The following SGIP1 variants were observed in gnomAD, a reference collection of about 807,000 sequenced individuals.
The protein encoded by SGIP1 is SH3GL interacting endocytic adaptor 1, also known as SH3-containing GRB2-like protein 3-interacting protein 1.
A neutral mutation model predicts 107.5 loss-of-function variants in SGIP1; 38 were observed. That is an observed-to-expected ratio of 0.35 (90% CI 0.27 to 0.46). The LOEUF is 0.46. SGIP1 is among the 20% of genes least tolerant of loss of function. The probability of loss-of-function intolerance (pLI) is 1.00; values close to 1 mark genes in which losing one functional copy is unlikely to be tolerated. For synonymous variants in SGIP1, 365 were observed against 366.1 expected, an observed-to-expected ratio of 1.00 and a Z score of 0.03; for missense variants, 929 against 1,019.5, an observed-to-expected ratio of 0.91 and a Z score of 1.21.
At position 66,749,798 on chromosome 1, in the gene SGIP1, C is replaced by T. The variant is rs1572535415; in HGVS notation, c.*6703C>T. Among the ~76,000 whole-genome samples, 1 of 151,966 alleles carries T rather than the reference C, an allele frequency of 6.6e-6. No homozygotes were observed. The highest frequency in any genetic ancestry group is 2.1e-4 in the South Asian group (1 of 4,828). ...GCTTGATGTTATTCATTCACCATCA[C>T]TCTAAGGTATTTTAAATCATACAAC... On this transcript the variant is annotated 3_prime_UTR_variant, in exon 25 of 25. Coordinates refer to ENST00000371037, the MANE Select transcript of SGIP1 (RefSeq NM_032291.4).
chr1:66,630,986 G>GGAAGGGAAAGGA (rs2074430737), intron 2 of SGIP1, among the ~76,000 whole-genome samples: 1 of 139,854 alleles, frequency 7.2e-6, no homozygotes, highest in Admixed American at 7.4e-5. Context: ...AAGAGAGGAA[G>GGAAGGGAAAGGA]AAGGAAGGAA....
chr1:66,558,195 A>G (rs1169332461), intron 1 of SGIP1, among the ~76,000 whole-genome samples: 2 of 152,050 alleles, frequency 1.3e-5, no homozygotes, highest in Non-Finnish European at 2.9e-5. Flanking sequence ...AATGGCATTC[A>G]TCTCTCTCTT....
chr1:66,554,104 A>G (rs962906505), intron 1 of SGIP1, among the ~76,000 whole-genome samples: 3 of 152,132 alleles, frequency 2.0e-5, no homozygotes, highest in Non-Finnish European at 4.4e-5. Context: ...ATTACCACTG[A>G]GCAAATCCTC....
intron 17 of SGIP1, chr1:66,694,473 C>T (rs981232254): frequency 4.4e-6 from 7 of 1,607,288 alleles, no homozygotes; most frequent in Non-Finnish European, 8.5e-7. Flanking sequence ...ACAAACTGCC[C>T]TCGTTTGAAA....
At chr1:66,711,270 C>T (rs1401263798) in intron 18 of SGIP1, among the ~76,000 whole-genome samples, 2 of 152,194 alleles carry the variant, frequency 1.3e-5, no homozygotes, top group East Asian at 1.9e-4. Flanking sequence ...CATAGAACAT[C>T]CTATATCATC....
chr1:66,707,962 C>A (rs2092640447), intron 18 of SGIP1, among the ~76,000 whole-genome samples: 1 of 152,136 alleles, frequency 6.6e-6, no homozygotes, highest in Non-Finnish European at 1.5e-5. Context: ...ATTTCTTTCA[C>A]CTTCCCCAAA....
intron 1 of SGIP1, among the ~76,000 whole-genome samples, chr1:66,612,169 AAG>A (rs988340190): frequency 6.6e-6 from 1 of 152,182 alleles, no homozygotes; most frequent in Non-Finnish European, 1.5e-5. Flanking sequence ...GAGAGAAAGC[AAG>A]AGAGAGGAGG....
chr1:66,664,328 T>C (rs941649642), intron 8 of SGIP1, among the ~76,000 whole-genome samples: 1 of 152,032 alleles, frequency 6.6e-6, no homozygotes. Context: ...ATCTGGAAAA[T>C]AAGGCAAATA....
rs145373755 is a variant in SGIP1, at chr1:66,643,727, TTGTG to T, written c.459+20_459+23del. 12 of 1,586,908 alleles carry T rather than the reference TTGTG, an allele frequency of 7.6e-6. No homozygotes were observed. The highest frequency in any genetic ancestry group is 1.0e-5 in the Non-Finnish European group (12 of 1,167,056). ...CTTTCCCCATCACCAGTGGTGAGTG[TTGTG>T]TGTGTGTGTGTTAAGCTTTAGTGAG... On this transcript the variant is annotated intron_variant, in intron 7 of 24. Coordinates refer to ENST00000371037, the MANE Select transcript of SGIP1 (RefSeq NM_032291.4).
At chr1:66,689,030 T>C (rs377214930) in intron 15 of SGIP1, 118 bp from the exon 16 acceptor site, 1 of 1,165,724 alleles carries the variant, frequency 8.6e-7, no homozygotes, top group African/African-American at 1.6e-5. Flanking sequence ...CAGTGTTTAG[T>C]GTAGTAACTG....
intron 18 of SGIP1, among the ~76,000 whole-genome samples, chr1:66,709,563 A>T (rs2092770483): frequency 6.6e-6 from 1 of 152,182 alleles, no homozygotes; most frequent in African/African-American, 2.4e-5. Context: ...GTAAAGCATA[A>T]AAGACAGTAC....
At chr1:66,586,753 A>G (rs72916377) in intron 1 of SGIP1, among the ~76,000 whole-genome samples, 3,367 of 152,092 alleles carry the variant, frequency 0.022, 121 homozygotes, top group African/African-American at 0.078. Flanking sequence ...ATATTTACCC[A>G]TATTTTTGTT....
chr1:66,699,284 C>A (rs531744901), intron 18 of SGIP1, among the ~76,000 whole-genome samples: 1 of 152,162 alleles, frequency 6.6e-6, no homozygotes. Flanking sequence ...GCTTCCAAAG[C>A]CTTCCTGATT....
intron 11 of SGIP1, among the ~76,000 whole-genome samples, chr1:66,672,929 A>T (rs1172553670): frequency 6.6e-6 from 1 of 152,174 alleles, no homozygotes; most frequent in Non-Finnish European, 1.5e-5. Context: ...ATCTTAGGGG[A>T]GAAAGGTGCT....
intron 18 of SGIP1, among the ~76,000 whole-genome samples, chr1:66,718,655 T>C (rs1482036522): frequency 6.6e-6 from 1 of 152,090 alleles, no homozygotes; most frequent in Non-Finnish European, 1.5e-5. Flanking sequence ...TGAACACCTG[T>C]ATATAGCAGG....
intron 2 of SGIP1, among the ~76,000 whole-genome samples, chr1:66,629,542 T>C (rs537159504): frequency 1.3e-3 from 200 of 151,712 alleles, no homozygotes; most frequent in Non-Finnish European, 2.4e-3. Context: ...AAGATATCAA[T>C]GGGTAGAATT....
intron 7 of SGIP1, among the ~76,000 whole-genome samples, chr1:66,657,658 A>G (rs1329173669): frequency 6.6e-6 from 1 of 152,172 alleles, no homozygotes; most frequent in Non-Finnish European, 1.5e-5. Flanking sequence ...TGATTATGGG[A>G]TAAGCCACTT....
chr1:66,734,648 G>T (rs757909572), intron 21 of SGIP1, among the ~76,000 whole-genome samples: 2 of 151,856 alleles, frequency 1.3e-5, no homozygotes, highest in Non-Finnish European at 2.9e-5. Flanking sequence ...AGGAATACAG[G>T]CATGCACCAC....
Position 66,575,849 on chromosome 1 carries a change from T to C in SGIP1, c.10+41481T>C, listed in dbSNP as rs974731996. 2.6e-5 allele frequency among the ~76,000 whole-genome samples: 4 copies of C among 152,342 alleles called. No homozygotes were observed. In the East Asian group the frequency reaches 7.7e-4, roughly 29 times the overall value. ...ATAGAAACCACCTGTCATTTGAGTG[T>C]CTTGGAAAGACAAGTAGAGGCAGCA... On this transcript the variant is annotated intron_variant, in intron 1 of 24. Coordinates refer to ENST00000371037, the MANE Select transcript of SGIP1 (RefSeq NM_032291.4).
Sources: gnomAD v4.1 joint callset for allele counts (sites outside exome capture counted in the v4.1 genomes callset) on GRCh38, gnomAD v4.1.1 for gene constraint, MANE v1.5 for transcripts, NCBI Gene and HGNC (gene_info 2026-07-23, HGNC 2026-07-21) for gene names.